Variants in PODN observed in about 807,000 individuals in gnomAD.
PODN encodes podocan proteoglycan.
A neutral mutation model predicts 52.7 loss-of-function variants in PODN; 40 were observed. That is an observed-to-expected ratio of 0.76 (90% CI 0.59 to 0.99). The LOEUF (loss-of-function observed/expected upper bound fraction) is 0.99. PODN is among the 50% of genes least tolerant of loss of function. The probability of loss-of-function intolerance (pLI) is 0.00; values close to 1 mark genes in which losing one functional copy is unlikely to be tolerated. For synonymous variants in PODN, 396 were observed against 377.9 expected, an observed-to-expected ratio of 1.05 and a Z score of -0.56; for missense variants, 720 against 815.1, an observed-to-expected ratio of 0.88 and a Z score of 1.42.
At chr1:53,070,213 C>T in intron 2 of PODN, 46 bp downstream of exon 2, 1 of 1,589,830 alleles carries the variant, frequency 6.3e-7, no homozygotes, top group Non-Finnish European at 8.5e-7. Flanking sequence ...GTCCCACACA[C>T]CCTTGGTTCC....
intron 5 of PODN, among the ~76,000 whole-genome samples, 181 bp from the exon 6 acceptor site, chr1:53,077,009 G>A (rs533282904): frequency 1.8e-4 from 28 of 152,334 alleles, no homozygotes; most frequent in Non-Finnish European, 1.9e-4. Flanking sequence ...GGTGGGGCAC[G>A]GCCCCTTCTG....
chr1:53,067,390 G>A (rs1212381189), intron 1 of PODN, among the ~76,000 whole-genome samples: 1 of 152,078 alleles, frequency 6.6e-6, no homozygotes, highest in African/African-American at 2.4e-5. Context: ...ACCGGGGTCT[G>A]TTGTCCCCTC....
intron 8 of PODN, among the ~76,000 whole-genome samples, chr1:53,080,500 C>T (rs780126546): frequency 2.0e-5 from 3 of 152,126 alleles, no homozygotes; most frequent in Admixed American, 6.5e-5. Context: ...TGGAGTCAGG[C>T]ACACCCGGCT....
intron 3 of PODN, chr1:53,073,149 C>G (rs763849491): frequency 1.3e-5 from 3 of 223,480 alleles, no homozygotes; most frequent in Non-Finnish European, 2.9e-5. Context: ...GATACCTGGA[C>G]TAGCCCATAC....
intron 9 of PODN, 117 bp downstream of exon 9, chr1:53,080,993 C>T: frequency 7.3e-7 from 1 of 1,374,748 alleles, no homozygotes; most frequent in South Asian, 1.4e-5. Context: ...AACCACGGCT[C>T]AGATCTCAAG....
chr1:53,077,659 C>A lies in PODN; in HGVS notation c.739-26C>A, dbSNP rs374209169. 6 of 1,592,938 alleles carry A rather than the reference C, an allele frequency of 3.8e-6. No individual in the cohort carries two copies. The African/African-American group carries it at 8.1e-5, about 21-fold the overall frequency. Reference sequence around the variant, plus strand: ...CTTGCCCTCGGCCCTCCCTCACAATCTCCTCCCTTCCCTTCCATCCCCCAG... The same window carrying A: ...CTTGCCCTCGGCCCTCCCTCACAATATCCTCCCTTCCCTTCCATCCCCCAG... On this transcript the variant is annotated intron_variant, in intron 6 of 10. Coordinates refer to ENST00000312553, the MANE Select transcript of PODN (RefSeq NM_153703.5).
Position 53,078,767 on chromosome 1 carries a change from G to C in PODN, c.1257G>C (p.Pro419=). 6.2e-7 allele frequency: 1 copy of C among 1,613,240 alleles called. No homozygotes were observed. Among genetic ancestry groups the C allele is most frequent in the Admixed American group, 1.7e-5 (1 of 60,024 alleles). The change falls in exon 8 of 11, where the codon CCG becomes CCC. Residue 419 remains proline, a synonymous_variant. Coordinates refer to ENST00000312553, the MANE Select transcript of PODN (RefSeq NM_153703.5). Reference sequence around the variant, plus strand: ...TCAGCTACAACCGCATCACCAGCCCGCAGGTGCACCGCGACGCCTTCCGCA... The same window carrying C: ...TCAGCTACAACCGCATCACCAGCCCCCAGGTGCACCGCGACGCCTTCCGCA... ...LNLSYNRITS[P]QVHRDAFRKL...
intron 1 of PODN, among the ~76,000 whole-genome samples, chr1:53,062,831 G>A (rs998273092): frequency 6.6e-6 from 1 of 152,260 alleles, no homozygotes; most frequent in Non-Finnish European, 1.5e-5. Context: ...AGGGCGCGTC[G>A]GACGCCGGGT....
At chr1:53,069,520 C>T (rs944956312) in intron 1 of PODN, among the ~76,000 whole-genome samples, 4 of 152,208 alleles carry the variant, frequency 2.6e-5, no homozygotes, top group Non-Finnish European at 5.9e-5. Context: ...CAGTCCAGGT[C>T]GTGTCTCAGC....
At chr1:53,069,755 C>T (rs759952132) in intron 1 of PODN, 46 bp from the exon 2 acceptor site, 35 of 1,526,904 alleles carry the variant, frequency 2.3e-5, no homozygotes, top group South Asian at 1.6e-4. Flanking sequence ...GGGAGGGCCC[C>T]GTCATGACTT....
rs773271095 is a variant in PODN at position 53,080,823 on chromosome 1, G to A, written c.1608G>A (p.Ala536=). 1.1e-5 allele frequency: 18 copies of A among 1,613,964 alleles called. No homozygotes were observed. Among genetic ancestry groups the A allele is most frequent in the East Asian group, 6.7e-5 (3 of 44,888 alleles). The change falls in exon 9 of 11, where the codon GCG becomes GCA. Residue 536 remains alanine (A), a synonymous_variant. Transcript: ENST00000312553. ...ACCTGCAGAACAACAAGATTAGTGC[G>A]GTGCCCGCCAATGCCTTCGACTCCA... ...YLYLQNNKIS[A]VPANAFDSTP...
intron 10 of PODN, among the ~76,000 whole-genome samples, chr1:53,082,910 G>A (rs965894004): frequency 7.2e-5 from 11 of 152,144 alleles, no homozygotes; most frequent in East Asian, 3.8e-4. Context: ...ACACCCATGC[G>A]TACCCACGTA....
At position 53,078,407 on chromosome 1, in the gene PODN, C is replaced by T; in HGVS notation, c.897C>T (p.Asn299=). ...AGTACCTGGATCTGTCCAGCAACAACCTGTCTCGGGTCCCAGCTGGGCTGC... is the reference window on the plus strand; with the variant it reads ...AGTACCTGGATCTGTCCAGCAACAATCTGTCTCGGGTCCCAGCTGGGCTGC... The part of the protein sequence containing the change: ...SLEYLDLSSN[N]LSRVPAGLPR... The change falls in exon 8 of 11, where the codon AAC becomes AAT. Residue 299 remains asparagine (N), a synonymous_variant. Transcript: ENST00000312553. 6.2e-7 allele frequency: 1 copy of T among 1,613,542 alleles called. No homozygotes were observed. The highest frequency in any genetic ancestry group is 8.5e-7 in the Non-Finnish European group (1 of 1,180,018).
chr1:53,083,314 C>G (rs10157941), intron 10 of PODN, among the ~76,000 whole-genome samples: 37,751 of 152,086 alleles, frequency 0.25, 4,899 homozygotes, highest in Admixed American at 0.32. Context: ...GGGGCTCTGG[C>G]AAGATGCCCC....
intron 4 of PODN, 41 bp from the exon 5 acceptor site, chr1:53,075,821 C>A: frequency 3.9e-6 from 6 of 1,524,056 alleles, no homozygotes; most frequent in Non-Finnish European, 5.4e-6. Flanking sequence ...CTGGCCTCTG[C>A]TCCTCCATTG....
chr1:53,066,221 T>C (rs944840764), intron 1 of PODN, among the ~76,000 whole-genome samples: 1 of 152,044 alleles, frequency 6.6e-6, no homozygotes, highest in Non-Finnish European at 1.5e-5. Context: ...GGTCTCAAAC[T>C]CCTGGGCTCA....
intron 1 of PODN, among the ~76,000 whole-genome samples, chr1:53,064,609 T>C (rs1644006069): frequency 1.3e-5 from 2 of 152,218 alleles, no homozygotes; most frequent in African/African-American, 4.8e-5. Context: ...CTTCTAGTCC[T>C]ACCTTAACCT....
chr1:53,076,010 A>AG (rs1404483558), intron 5 of PODN, 39 bp downstream of exon 5: 2 of 1,467,816 alleles, frequency 1.4e-6, no homozygotes, highest in Non-Finnish European at 1.9e-6. Flanking sequence ...GGCTGGGGCA[A>AG]GGGGAGGGGC....
chr1:53,076,062 C>G lies in PODN; in HGVS notation c.581+91C>G, dbSNP rs554179079. 2.7e-6 allele frequency: 3 copies of G among 1,101,896 alleles called. No individual in the cohort carries two copies. The African/African-American group carries it at 4.6e-5, about 17-fold the overall frequency. 68.3% of individuals were successfully genotyped at this position (1,101,896 alleles called of 1,614,324 possible). A position where few individuals can be genotyped will look rare whatever the true frequency, so the allele number is the denominator to read the frequency against. The stretch of plus-strand genomic sequence containing the variant: ...ATCCTGTGTGAGGCAGAGACAGGTC[C>G]CGAAGGAGGCCCTGCACTCAGGGCT... On this transcript the variant is annotated intron_variant, in intron 5 of 10. Coordinates refer to ENST00000312553, the MANE Select transcript of PODN (RefSeq NM_153703.5).
Sources: allele counts gnomAD v4.1 joint callset (sites outside exome capture counted in the v4.1 genomes callset), GRCh38; gene constraint gnomAD v4.1.1; transcripts MANE v1.5; gene names NCBI Gene and HGNC (gene_info 2026-07-23, HGNC 2026-07-21).